SNX9: variants seen among roughly 807,000 people sequenced by gnomAD.
SNX9 encodes sorting nexin-9.
A neutral mutation model predicts 89.4 loss-of-function variants in SNX9; 44 were observed. That is an observed-to-expected ratio of 0.49 (90% CI 0.39 to 0.63). The LOEUF (loss-of-function observed/expected upper bound fraction) is 0.63, where lower values mean the gene tolerates loss of function less well. SNX9 is among the 30% of genes least tolerant of loss of function. SNX9 has a pLI of 0.00. For missense variants in SNX9, 578 were observed against 736.1 expected, an observed-to-expected ratio of 0.79 and a Z score of 2.49; for synonymous variants, 236 against 247.8, an observed-to-expected ratio of 0.95 and a Z score of 0.45.
At chr6:157,895,021 G>A (rs6930847) in intron 4 of SNX9, among the ~76,000 whole-genome samples, 1,742 of 152,292 alleles carry the variant, frequency 0.011, 40 homozygotes, top group African/African-American at 0.04. Context: ...TATCACACTA[G>A]AGTCACATAT....
chr6:157,917,086 A>G (rs555150328), intron 9 of SNX9, among the ~76,000 whole-genome samples: 3 of 152,294 alleles, frequency 2.0e-5, no homozygotes, highest in South Asian at 2.1e-4. Flanking sequence ...CTTCATAGCT[A>G]TAGGACTATT....
chr6:157,881,463 G>A (rs146855062), intron 4 of SNX9, among the ~76,000 whole-genome samples: 20 of 152,158 alleles, frequency 1.3e-4, no homozygotes, highest in Non-Finnish European at 2.6e-4. Flanking sequence ...AGGAAGAGTC[G>A]CATTTCTCTC....
At chr6:157,865,144 G>C (rs974398651) in intron 1 of SNX9, among the ~76,000 whole-genome samples, 1 of 151,970 alleles carries the variant, frequency 6.6e-6, no homozygotes, top group Non-Finnish European at 1.5e-5. Context: ...TTTGAGACCA[G>C]CCTGACCAAC....
chr6:157,902,300 C>A (rs1212417003), intron 6 of SNX9, among the ~76,000 whole-genome samples: 2 of 151,814 alleles, frequency 1.3e-5, no homozygotes, highest in African/African-American at 2.4e-5. Flanking sequence ...TTCATTACTT[C>A]TAGCTTTATC....
At position 157,823,511 on chromosome 6, in the gene SNX9, G is replaced by C. The variant is rs1781278674; in HGVS notation, c.12+65G>C. The C allele has an allele frequency of 8.6e-7, 1 of 1,157,022 alleles. No individual in the cohort carries two copies. The highest frequency in any genetic ancestry group is 1.6e-5 in the African/African-American group (1 of 61,452). 71.7% of individuals were successfully genotyped at this position (1,157,022 alleles called of 1,614,324 possible). A position where few individuals can be genotyped will look rare whatever the true frequency, so the allele number is the denominator to read the frequency against. ...CCCGGGGCGGCGCGGAGAGGGTCGG[G>C]GCCGGGGCCGCGGGGAGGGTCGGGG... On this transcript the variant is annotated intron_variant, in intron 1 of 17. Coordinates refer to ENST00000392185, the MANE Select transcript of SNX9 (RefSeq NM_016224.5). This position sits in a 1 kb window ranked among gnomAD's most constrained non-coding sequence, Gnocchi z 4.6.
intron 1 of SNX9, among the ~76,000 whole-genome samples, chr6:157,825,077 G>C (rs530248351): frequency 2.6e-4 from 40 of 152,130 alleles, no homozygotes; most frequent in Non-Finnish European, 4.3e-4. Flanking sequence ...GTGAAACCCT[G>C]TCTCTACTAA....
rs752487164 is a variant in SNX9 at position 157,921,680 on chromosome 6, A to G, written c.1080+19A>G. ...TGAGAAGGTAGGACATTGTGTTAAT[A>G]TGGCATCAGAGAATATTGAGAGTTG... On this transcript the variant is annotated intron_variant, in intron 10 of 17. Coordinates refer to ENST00000392185, the MANE Select transcript of SNX9 (RefSeq NM_016224.5). The G allele has an allele frequency of 1.9e-6, 3 of 1,608,186 alleles. No individual in the cohort carries two copies. The Admixed American group carries it at 5.0e-5, about 27-fold the overall frequency.
At chr6:157,850,781 A>G (rs570655105) in intron 1 of SNX9, among the ~76,000 whole-genome samples, 2 of 152,296 alleles carry the variant, frequency 1.3e-5, no homozygotes, top group South Asian at 2.1e-4. Flanking sequence ...TTAAGAGCAT[A>G]TATCTTCTTT....
chr6:157,869,128 G>A (rs1211865064), intron 2 of SNX9, among the ~76,000 whole-genome samples: 3 of 152,186 alleles, frequency 2.0e-5, no homozygotes, highest in Non-Finnish European at 4.4e-5. Context: ...TGTCTGTGCT[G>A]TAGAACATGT....
At chr6:157,861,366 G>T (rs1428539442) in intron 1 of SNX9, among the ~76,000 whole-genome samples, 1 of 152,182 alleles carries the variant, frequency 6.6e-6, no homozygotes, top group African/African-American at 2.4e-5. Flanking sequence ...CTTCTTATCT[G>T]GTGCAGCTGA....
intron 9 of SNX9, among the ~76,000 whole-genome samples, chr6:157,916,832 C>A (rs1468052836): frequency 6.6e-6 from 1 of 152,076 alleles, no homozygotes; most frequent in East Asian, 1.9e-4. Context: ...CTAATAATAT[C>A]TGGTTGAGGA....
intron 11 of SNX9, 59 bp from the exon 12 acceptor site, chr6:157,928,540 A>G: frequency 7.3e-7 from 1 of 1,361,328 alleles, no homozygotes; most frequent in Non-Finnish European, 1.0e-6. Context: ...TGGCCCGAGT[A>G]TCCCCACAGC....
intron 4 of SNX9, among the ~76,000 whole-genome samples, chr6:157,886,077 A>G (rs923497026): frequency 1.3e-5 from 2 of 152,192 alleles, no homozygotes; most frequent in Non-Finnish European, 1.5e-5. Flanking sequence ...CTGCCACGCC[A>G]CAGTTGCTGT....
intron 6 of SNX9, among the ~76,000 whole-genome samples, chr6:157,902,481 T>C (rs1485426331): frequency 1.3e-5 from 2 of 151,960 alleles, no homozygotes; most frequent in Non-Finnish European, 2.9e-5. Flanking sequence ...CCCTTTGTGG[T>C]ACATAAAACC....
At chr6:157,939,820 A>G (rs1783998493) in intron 16 of SNX9, among the ~76,000 whole-genome samples, 1 of 152,218 alleles carries the variant, frequency 6.6e-6, no homozygotes, top group Non-Finnish European at 1.5e-5. Flanking sequence ...TGAATGTAAA[A>G]TGTAGAACAG....
chr6:157,908,394 A>G (rs888370829), intron 7 of SNX9, among the ~76,000 whole-genome samples: 3 of 152,130 alleles, frequency 2.0e-5, no homozygotes, highest in African/African-American at 7.2e-5. Flanking sequence ...TTATAACTCA[A>G]TTATTTTTCA....
At position 157,851,910 on chromosome 6, in the gene SNX9, C is replaced by T. The variant is rs569008455; in HGVS notation, c.13-15637C>T. Among the ~76,000 whole-genome samples the T allele has an allele frequency of 1.2e-4, 19 of 152,228 alleles. No homozygotes were observed. In the South Asian group the frequency reaches 3.9e-3, roughly 32 times the overall value. ...GGCCTGTTTGTCCTTTTGTGTCTGG[C>T]TTATTTCAATTAGCGTAATGTTTTC... is the stretch of plus-strand genomic sequence containing the variant. On this transcript the variant is annotated intron_variant, in intron 1 of 17. Coordinates refer to ENST00000392185, the MANE Select transcript of SNX9 (RefSeq NM_016224.5).
At chr6:157,856,802 T>C (rs1782021905) in intron 1 of SNX9, among the ~76,000 whole-genome samples, 1 of 152,226 alleles carries the variant, frequency 6.6e-6, no homozygotes. Context: ...AGAGGGTGAA[T>C]AGATTCACAT....
intron 13 of SNX9, among the ~76,000 whole-genome samples, chr6:157,935,238 G>A (rs112314744): frequency 2.4e-4 from 37 of 152,294 alleles, no homozygotes; most frequent in South Asian, 4.1e-4. Flanking sequence ...AGCTAATAAA[G>A]AAGGAATGGT....
Sources: gnomAD v4.1 joint callset for allele counts (sites outside exome capture counted in the v4.1 genomes callset) on GRCh38, gnomAD v4.1.1 for gene constraint, Gnocchi (gnomAD v3.1) non-coding constraint, MANE v1.5 for transcripts, NCBI Gene and HGNC (gene_info 2026-07-23, HGNC 2026-07-21) for gene names.